Variants in TMEM161A observed in about 807,000 individuals in gnomAD.
The protein encoded by TMEM161A is transmembrane protein 161A, also known as adaptive response to oxidative stress protein 29.
TMEM161A carries 46 observed loss-of-function variants against 57.1 expected under a neutral mutation model. The ratio of observed to expected loss-of-function variants is 0.81; its 90% confidence interval spans 0.64 to 1.03. The LOEUF is 1.03. TMEM161A is among the 50% of genes least tolerant of loss of function. The pLI, the probability that TMEM161A is intolerant of heterozygous loss-of-function variation, is 0.00. For synonymous variants in TMEM161A, 288 were observed against 279.0 expected (o/e 1.03, Z -0.32); for missense variants, 601 against 621.5 (o/e 0.97, Z 0.35).
In TMEM161A at chr19:19,119,268, C is replaced by G. The variant is rs1443243538; in HGVS notation, c.*662G>C. 1.3e-5 allele frequency: 2 copies of G among 152,332 alleles called. No individual in the cohort carries two copies. The highest frequency in any genetic ancestry group is 4.8e-5 in the African/African-American group (2 of 41,342). The allele number at this position is 152,332 out of a possible 1,614,324, so 9.4% of individuals were successfully genotyped here. On this transcript the variant is annotated 3_prime_UTR_variant, in exon 12 of 12. Coordinates refer to ENST00000162044, the MANE Select transcript of TMEM161A (RefSeq NM_017814.3). Reference sequence around the variant, plus strand: ...GTTCAAGCGACTCTTCTGGCTCATCCTTCTCAGTAGCTGGAACTACATGCA... The same window carrying G: ...GTTCAAGCGACTCTTCTGGCTCATCGTTCTCAGTAGCTGGAACTACATGCA...
Position 19,119,988 on chromosome 19 carries a change from C to A in TMEM161A, c.1382G>T (p.Cys461Phe), listed in dbSNP as rs760691692. The A allele has an allele frequency of 6.3e-7, 1 of 1,580,370 alleles. No homozygotes were observed. Among genetic ancestry groups the A allele is most frequent in the Non-Finnish European group, 8.6e-7 (1 of 1,164,066 alleles). ...GCCGAAAAGGCTGGCGAGCAGCTGGCAGGCAGCCGTCCACCAGATGAGGTA... is the reference window on the plus strand; with the variant it reads ...GCCGAAAAGGCTGGCGAGCAGCTGGAAGGCAGCCGTCCACCAGATGAGGTA... ...LAYLIWWTAA[C>F]QLLASLFGLY... Residue 461 changes from cysteine to phenylalanine, a missense_variant, in exon 12 of 12, where the codon TGC (cysteine) becomes TTC (phenylalanine). Cys to Phe is a radical substitution (Grantham distance 205). Transcript: ENST00000162044.
chr19:19,119,233 C>T lies in TMEM161A; in HGVS notation c.*697G>A, dbSNP rs2059895665. 6.6e-6 allele frequency: 1 copy of T among 151,672 alleles called. No homozygotes were observed. The highest frequency in any genetic ancestry group is 2.1e-4 in the South Asian group (1 of 4,816). The allele number at this position is 151,672 out of a possible 1,614,324, so 9.4% of individuals were successfully genotyped here. ...TGCGATCTCGGCTCACTGCAGCCTCCACCTCTCAGGTTCAAGCGACTCTTC... is the reference window on the plus strand; with the variant it reads ...TGCGATCTCGGCTCACTGCAGCCTCTACCTCTCAGGTTCAAGCGACTCTTC... On this transcript the variant is annotated 3_prime_UTR_variant, in exon 12 of 12. Transcript: ENST00000162044.
intron 3 of TMEM161A, 96 bp downstream of exon 3, chr19:19,133,034 T>C (rs10414676): frequency 0.7 from 840,720 of 1,192,650 alleles, 298,093 homozygotes; most frequent in East Asian, 0.91. Flanking sequence ...GGGCCGGTCC[T>C]GTGTCCCTGA....
intron 5 of TMEM161A, among the ~76,000 whole-genome samples, chr19:19,131,128 G>C (rs1310527000): frequency 6.6e-6 from 1 of 152,124 alleles, no homozygotes; most frequent in Non-Finnish European, 1.5e-5. Flanking sequence ...GCTGAGGCAG[G>C]AGAATCACTT....
At chr19:19,120,423 C>T (rs528625438) in intron 11 of TMEM161A, among the ~76,000 whole-genome samples, 1 of 151,602 alleles carries the variant, frequency 6.6e-6, no homozygotes, top group Admixed American at 6.6e-5. Flanking sequence ...CCCCAGGCCC[C>T]GCCTCCTGCC....
At chr19:19,134,951 G>A in intron 1 of TMEM161A, 64 bp from the exon 2 acceptor site, 1 of 1,212,806 alleles carries the variant, frequency 8.2e-7, no homozygotes, top group Non-Finnish European at 1.2e-6. Flanking sequence ...CCCTCCCTAG[G>A]AACCCAGGCT....
Position 19,120,982 on chromosome 19 carries a change from G to T in TMEM161A, c.1089+10C>A. On this transcript the variant is annotated intron_variant, in intron 10 of 11. Coordinates refer to ENST00000162044, the MANE Select transcript of TMEM161A (RefSeq NM_017814.3). ...GTTCCCTCTGGCCTAGGTCATCGGG[G>T]CGTCCATACCCTCTGCTGGATTTCA... 6.2e-7 allele frequency: 1 copy of T among 1,606,654 alleles called. No individual in the cohort carries two copies. The highest frequency in any genetic ancestry group is 1.1e-5 in the South Asian group (1 of 90,382).
At chr19:19,130,072 G>C in intron 6 of TMEM161A, 84 bp downstream of exon 6, 1 of 1,525,088 alleles carries the variant, frequency 6.6e-7, no homozygotes, top group Non-Finnish European at 8.9e-7. Flanking sequence ...ACTCGTGCTG[G>C]ACACGGAGCC....
At chr19:19,135,560 ATTTATTTAT>A (rs2059981407) in intron 1 of TMEM161A, among the ~76,000 whole-genome samples, 1 of 151,786 alleles carries the variant, frequency 6.6e-6, no homozygotes, top group Non-Finnish European at 1.5e-5. Flanking sequence ...ATTTTTATTT[ATTTATTTAT>A]TTTTTTGGCA....
intron 1 of TMEM161A, 34 bp from the exon 2 acceptor site, chr19:19,134,921 CAG>C: frequency 6.8e-7 from 1 of 1,461,246 alleles, no homozygotes; most frequent in Non-Finnish European, 9.4e-7. Context: ...CAGCACCTGC[CAG>C]AGGGTCACAA....
At chr19:19,123,081 C>G (rs187579462) in intron 6 of TMEM161A, among the ~76,000 whole-genome samples, 107 of 152,148 alleles carry the variant, frequency 7.0e-4, no homozygotes, top group African/African-American at 2.5e-3. Flanking sequence ...TTAGGAACAG[C>G]CAAAGGAGGA....
At chr19:19,129,006 T>G (rs942427391) in intron 6 of TMEM161A, among the ~76,000 whole-genome samples, 6 of 152,082 alleles carry the variant, frequency 3.9e-5, no homozygotes, top group African/African-American at 1.4e-4. Flanking sequence ...AGAAGAGACA[T>G]GAATCATGAA....
intron 6 of TMEM161A, among the ~76,000 whole-genome samples, chr19:19,122,475 T>G (rs2059915533): frequency 6.6e-6 from 1 of 151,790 alleles, no homozygotes; most frequent in Non-Finnish European, 1.5e-5. Flanking sequence ...GGACCCAAGA[T>G]TTTTCAAAAA....
chr19:19,132,799 C>A lies in TMEM161A; in HGVS notation c.189-45G>T. On this transcript the variant is annotated intron_variant, in intron 3 of 11. Transcript: ENST00000162044. This position sits in a 1 kb window ranked among gnomAD's most constrained non-coding sequence, Gnocchi z 4.3. ...CAAGAGGGACGGTGAGCACGCATTC[C>A]ACTGAGGCCAGCCACCCTCAGAGCT... 1 of 1,453,506 alleles carries A rather than the reference C, an allele frequency of 6.9e-7. No individual in the cohort carries two copies. 90.0% of individuals were successfully genotyped at this position (1,453,506 alleles called of 1,614,324 possible). A position where few individuals can be genotyped will look rare whatever the true frequency, so the allele number is the denominator to read the frequency against.
At position 19,121,612 on chromosome 19, in the gene TMEM161A, A is replaced by G. The variant is rs941440075; in HGVS notation, c.713T>C (p.Leu238Pro). The G allele has an allele frequency of 6.2e-7, 1 of 1,614,014 alleles. No individual in the cohort carries two copies. Among genetic ancestry groups the G allele is most frequent in the African/African-American group, 1.3e-5 (1 of 75,056 alleles). The change falls in exon 8 of 12, where the codon CTG (leucine) becomes CCG (proline). Residue 238 changes from leucine (L) to proline (P), a missense_variant. Leu to Pro is a moderately conservative substitution (Grantham distance 98, BLOSUM62 -3). Coordinates refer to ENST00000162044, the MANE Select transcript of TMEM161A (RefSeq NM_017814.3). The surrounding 1 kb of genome is among the most constrained non-coding windows in gnomAD (Gnocchi z 5.8). ...GCCTGGGAAGGTGAGGAAGGCACCC[A>G]GCACAGAGCCCACCACTGCCAGTCC... The part of the protein sequence containing the change: ...RVGLAVVGSV[L>P]GAFLTFPGLR...
rs2059964181 is a variant in TMEM161A at position 19,132,612 on chromosome 19, T to A, written c.286+45A>T. 1.3e-6 allele frequency: 2 copies of A among 1,561,080 alleles called. No individual in the cohort carries two copies. The highest frequency in any genetic ancestry group is 1.7e-6 in the Non-Finnish European group (2 of 1,152,242). Reference sequence around the variant, plus strand: ...CACCCCCATGAGGGTGTGGAGACCTTCAGGGCTGAGGGAGTAGAGTTTAGG... The same window carrying A: ...CACCCCCATGAGGGTGTGGAGACCTACAGGGCTGAGGGAGTAGAGTTTAGG... On this transcript the variant is annotated intron_variant, in intron 4 of 11. Coordinates refer to ENST00000162044, the MANE Select transcript of TMEM161A (RefSeq NM_017814.3). The surrounding 1 kb of genome is among the most constrained non-coding windows in gnomAD (Gnocchi z 4.3).
chr19:19,120,952 C>T (rs1232547444), intron 10 of TMEM161A, 40 bp downstream of exon 10: 4 of 1,608,890 alleles, frequency 2.5e-6, no homozygotes, highest in Admixed American at 1.7e-5. Flanking sequence ...CACCCTGAGC[C>T]CCAGGTTCCC....
chr19:19,119,977 C>A lies in TMEM161A; in HGVS notation c.1393G>T (p.Ala465Ser), dbSNP rs2059899292. The A allele has an allele frequency of 1.3e-6, 2 of 1,571,082 alleles. No homozygotes were observed. Among genetic ancestry groups the A allele is most frequent in the South Asian group, 1.2e-5 (1 of 85,710 alleles). ...IWWTAACQLLASLFGLYFHQH... is the reference protein window; with the variant it reads ...IWWTAACQLLSSLFGLYFHQH... ...TGGAAGTAGAGGCCGAAAAGGCTGG[C>A]GAGCAGCTGGCAGGCAGCCGTCCAC... Residue 465 changes from alanine to serine, a missense_variant, in exon 12 of 12, where the codon GCC becomes TCC. Coordinates refer to ENST00000162044, the MANE Select transcript of TMEM161A (RefSeq NM_017814.3).
At chr19:19,120,218 A>T (rs1248861246) in intron 11 of TMEM161A, 35 bp from the exon 12 acceptor site, 1 of 1,498,440 alleles carries the variant, frequency 6.7e-7, no homozygotes, top group Non-Finnish European at 8.9e-7. Flanking sequence ...TATGAGTGGA[A>T]AAATGGGGGA....
Sources: allele counts gnomAD v4.1 joint callset (sites outside exome capture counted in the v4.1 genomes callset), GRCh38; gene constraint gnomAD v4.1.1; non-coding constraint Gnocchi (gnomAD v3.1); transcripts MANE v1.5; gene names NCBI Gene and HGNC (gene_info 2026-07-23, HGNC 2026-07-21).